The following PLCB1 variants were observed in gnomAD, a reference collection of about 807,000 sequenced individuals.
PLCB1 encodes 1-phosphatidylinositol 4,5-bisphosphate phosphodiesterase beta-1.
A neutral mutation model predicts 161.8 loss-of-function variants in PLCB1; 46 were observed. The observed-to-expected ratio is 0.28, with a 90% CI of 0.22 to 0.36. The LOEUF (loss-of-function observed/expected upper bound fraction) is 0.36, where lower values mean the gene tolerates loss of function less well. Ranked by LOEUF, PLCB1 falls within the 10% of genes least tolerant of loss-of-function variation. The probability of loss-of-function intolerance (pLI) is 1.00; values close to 1 mark genes in which losing one functional copy is unlikely to be tolerated. For synonymous variants in PLCB1, 517 were observed against 503.7 expected, an observed-to-expected ratio of 1.03 and a Z score of -0.35; for missense variants, 1,016 against 1,472.5, an observed-to-expected ratio of 0.69 and a Z score of 5.07.
chr20:8,760,624 A>G (rs1468510698), intron 25 of PLCB1, among the ~76,000 whole-genome samples, 164 bp downstream of exon 25: 1 of 152,228 alleles, frequency 6.6e-6, no homozygotes, highest in Non-Finnish European at 1.5e-5. Flanking sequence ...TCTACATGAT[A>G]TGATATAATC....
chr20:8,475,646 C>A (rs912682606), intron 3 of PLCB1, among the ~76,000 whole-genome samples: 7 of 152,028 alleles, frequency 4.6e-5, no homozygotes, highest in African/African-American at 1.7e-4. Flanking sequence ...CACTTTTTTT[C>A]AGATAATTGG....
chr20:8,861,534 A>C (rs942079764), intron 31 of PLCB1, among the ~76,000 whole-genome samples: 6 of 152,172 alleles, frequency 3.9e-5, no homozygotes, highest in Admixed American at 3.9e-4. Context: ...GATTGAGACC[A>C]TCTTGGCCAA....
intron 10 of PLCB1, among the ~76,000 whole-genome samples, chr20:8,688,460 G>A (rs1990405197): frequency 6.6e-6 from 1 of 152,114 alleles, no homozygotes; most frequent in African/African-American, 2.4e-5. Context: ...TTATCTTCTA[G>A]AATTTTTATA....
chr20:8,392,128 G>A (rs1391522360), intron 3 of PLCB1, among the ~76,000 whole-genome samples: 1 of 151,950 alleles, frequency 6.6e-6, no homozygotes, highest in East Asian at 1.9e-4. Flanking sequence ...CGATGCAATA[G>A]TATTTAAAGT....
chr20:8,389,508 G>A (rs1987528239), intron 3 of PLCB1, among the ~76,000 whole-genome samples: 1 of 152,178 alleles, frequency 6.6e-6, no homozygotes, highest in African/African-American at 2.4e-5. Flanking sequence ...TTAGTACCAT[G>A]AGTTAATGAA....
At chr20:8,661,456 C>G (rs1299859530) in intron 9 of PLCB1, among the ~76,000 whole-genome samples, 1 of 152,120 alleles carries the variant, frequency 6.6e-6, no homozygotes, top group Non-Finnish European at 1.5e-5. Flanking sequence ...CGTGCATCCT[C>G]AGTCACCCCA....
chr20:8,523,492 CTCTCTATATA>C (rs1984450255), intron 3 of PLCB1, among the ~76,000 whole-genome samples: 2 of 61,846 alleles, frequency 3.2e-5, no homozygotes, highest in African/African-American at 1.4e-4. Context: ...CTCTCTCTCT[CTCTCTATATA>C]TATATATATA....
intron 3 of PLCB1, among the ~76,000 whole-genome samples, chr20:8,470,621 T>G (rs924075808): frequency 6.6e-6 from 1 of 152,154 alleles, no homozygotes; most frequent in Non-Finnish European, 1.5e-5. Context: ...CACAGCTCAC[T>G]GCAGCCTTGA....
chr20:8,253,191 T>TCA (rs376510435), intron 2 of PLCB1, among the ~76,000 whole-genome samples: 11,081 of 151,942 alleles, frequency 0.073, 500 homozygotes, highest in East Asian at 0.16. Context: ...AATTCAGAGG[T>TCA]ATTGACTTCC....
intron 3 of PLCB1, among the ~76,000 whole-genome samples, chr20:8,573,235 G>T (rs1384214034): frequency 6.6e-6 from 1 of 152,082 alleles, no homozygotes; most frequent in Non-Finnish European, 1.5e-5. Context: ...CCAACATAGG[G>T]GTCATTGGTG....
At chr20:8,546,000 T>C (rs1985527109) in intron 3 of PLCB1, among the ~76,000 whole-genome samples, 2 of 152,158 alleles carry the variant, frequency 1.3e-5, no homozygotes, top group African/African-American at 4.8e-5. Flanking sequence ...TGCAAAAATC[T>C]AGCAGATTGT....
At chr20:8,167,150 G>T (rs2051684369) in intron 2 of PLCB1, among the ~76,000 whole-genome samples, 1 of 152,160 alleles carries the variant, frequency 6.6e-6, no homozygotes, top group Non-Finnish European at 1.5e-5. Context: ...GAAGGGTACA[G>T]TTGGCTCTCA....
intron 3 of PLCB1, among the ~76,000 whole-genome samples, chr20:8,492,120 C>T (rs550046964): frequency 1.3e-5 from 2 of 151,960 alleles, no homozygotes; most frequent in Non-Finnish European, 2.9e-5. Context: ...TTTGTCTTGG[C>T]CACATCATTA....
chr20:8,676,415 G>GAAGAAAGA (rs200634850), intron 9 of PLCB1, among the ~76,000 whole-genome samples: 1 of 144,504 alleles, frequency 6.9e-6, no homozygotes, highest in East Asian at 2.0e-4. Context: ...GAAAGAAAGA[G>GAAGAAAGA]AAGAAAGAAA....
At chr20:8,779,208 C>T (rs536494744) in intron 27 of PLCB1, among the ~76,000 whole-genome samples, 39 of 152,184 alleles carry the variant, frequency 2.6e-4, no homozygotes, top group African/African-American at 9.2e-4. Flanking sequence ...AGCATGGCAT[C>T]CGTAAACTTC....
chr20:8,868,718 G>A (rs1278543098), intron 31 of PLCB1, among the ~76,000 whole-genome samples: 17 of 152,236 alleles, frequency 1.1e-4, no homozygotes, highest in South Asian at 2.1e-4. Context: ...TTCAACCTCC[G>A]CCTCCCAGGT....
chr20:8,734,085 G>A (rs1477160349), intron 19 of PLCB1, among the ~76,000 whole-genome samples: 1 of 127,866 alleles, frequency 7.8e-6, no homozygotes. Flanking sequence ...CCCAGATCGC[G>A]CCACTGCACT....
intron 3 of PLCB1, among the ~76,000 whole-genome samples, chr20:8,579,207 A>G (rs1259728802): frequency 6.6e-6 from 1 of 152,244 alleles, no homozygotes; most frequent in Non-Finnish European, 1.5e-5. Flanking sequence ...TGTCACATCT[A>G]CAGAGAAATA....
At chr20:8,297,043 TAC>T (rs939739837) in intron 2 of PLCB1, among the ~76,000 whole-genome samples, 17 of 152,040 alleles carry the variant, frequency 1.1e-4, no homozygotes, top group African/African-American at 4.1e-4. Flanking sequence ...TGTATATATA[TAC>T]ACACACATGC....
Sources: gnomAD v4.1 joint callset for allele counts (sites outside exome capture counted in the v4.1 genomes callset) on GRCh38, gnomAD v4.1.1 for gene constraint, MANE v1.5 for transcripts, NCBI Gene and HGNC (gene_info 2026-07-23, HGNC 2026-07-21) for gene names.